KCNIP4: variants seen among roughly 807,000 people sequenced by gnomAD.
The protein encoded by KCNIP4 is potassium voltage-gated channel interacting protein 4, also known as Kv channel-interacting protein 4.
KCNIP4 carries 12 observed loss-of-function variants against 34.0 expected under a neutral mutation model. That is an observed-to-expected ratio of 0.35 (90% CI 0.23 to 0.57). The LOEUF (loss-of-function observed/expected upper bound fraction) is 0.57. Among genes scored for constraint, KCNIP4 ranks in the 20% least tolerant of loss-of-function variants. The probability of loss-of-function intolerance (pLI) is 0.83; values close to 1 mark genes in which losing one functional copy is unlikely to be tolerated. For synonymous variants in KCNIP4, 124 were observed against 102.2 expected, an observed-to-expected ratio of 1.21 and a Z score of -1.29; for missense variants, 238 against 311.7, an observed-to-expected ratio of 0.76 and a Z score of 1.78.
At chr4:20,837,759 G>T (rs1213627540) in intron 3 of KCNIP4, among the ~76,000 whole-genome samples, 2 of 149,256 alleles carry the variant, frequency 1.3e-5, no homozygotes, top group South Asian at 2.1e-4. Context: ...CTTGCTCACT[G>T]CAACCTCTGC....
chr4:21,871,345 A>G (rs1341509351), intron 1 of KCNIP4, among the ~76,000 whole-genome samples: 1 of 148,986 alleles, frequency 6.7e-6, no homozygotes, highest in Admixed American at 6.8e-5. Flanking sequence ...ATGCACACGT[A>G]TGTTTACTGT....
At chr4:21,636,154 G>A (rs13121972) in intron 1 of KCNIP4, among the ~76,000 whole-genome samples, 1 of 117,600 alleles carries the variant, frequency 8.5e-6, no homozygotes, top group Non-Finnish European at 1.7e-5. Flanking sequence ...TGGGGGGAGG[G>A]GGGAGGGATA....
At chr4:21,199,024 T>C (rs1321674535) in intron 1 of KCNIP4, among the ~76,000 whole-genome samples, 1 of 152,180 alleles carries the variant, frequency 6.6e-6, no homozygotes, top group Non-Finnish European at 1.5e-5. Context: ...GTACTGACAC[T>C]GATCTGGTGC....
intron 1 of KCNIP4, among the ~76,000 whole-genome samples, chr4:20,986,365 T>C (rs778052282): frequency 1.3e-5 from 2 of 152,152 alleles, no homozygotes; most frequent in Non-Finnish European, 2.9e-5. Context: ...AACATTTTCT[T>C]CTCCATTATA....
intron 1 of KCNIP4, among the ~76,000 whole-genome samples, chr4:21,380,949 C>T (rs760649733): frequency 3.3e-5 from 5 of 152,234 alleles, no homozygotes; most frequent in Non-Finnish European, 7.4e-5. Context: ...CTCAGCACAG[C>T]ACCATTAGCT....
chr4:21,395,436 C>T (rs1024939394), intron 1 of KCNIP4, among the ~76,000 whole-genome samples: 3 of 152,120 alleles, frequency 2.0e-5, no homozygotes, highest in African/African-American at 7.2e-5. Context: ...TTCTCCCCCA[C>T]CCCTTTCCTT....
intron 1 of KCNIP4, among the ~76,000 whole-genome samples, chr4:21,385,033 G>T (rs897405853): frequency 6.6e-6 from 1 of 152,124 alleles, no homozygotes; most frequent in Admixed American, 6.6e-5. Context: ...ATGGAACAGG[G>T]TTTCCTGGGG....
chr4:21,604,031 T>G (rs940169022), intron 1 of KCNIP4, among the ~76,000 whole-genome samples: 9 of 152,170 alleles, frequency 5.9e-5, no homozygotes, highest in African/African-American at 1.9e-4. Flanking sequence ...AAGATTTTTT[T>G]CATTCGTCGA....
At chr4:21,209,715 A>G (rs554544395) in intron 1 of KCNIP4, among the ~76,000 whole-genome samples, 7 of 151,844 alleles carry the variant, frequency 4.6e-5, no homozygotes, top group African/African-American at 1.7e-4. Context: ...TGTATATTGT[A>G]TTTTCTTTTT....
At chr4:20,964,394 A>G (rs2149665533) in intron 1 of KCNIP4, among the ~76,000 whole-genome samples, 1 of 152,332 alleles carries the variant, frequency 6.6e-6, no homozygotes, top group African/African-American at 2.4e-5. Context: ...TCAAATATTT[A>G]ATCATTCTGG....
intron 1 of KCNIP4, among the ~76,000 whole-genome samples, chr4:20,992,785 TG>T (rs953364973): frequency 1.3e-5 from 2 of 151,912 alleles, no homozygotes; most frequent in Non-Finnish European, 2.9e-5. Context: ...CCCAGCAATT[TG>T]GGGGGCCAAG....
At chr4:21,246,842 A>T (rs1760241130) in intron 1 of KCNIP4, among the ~76,000 whole-genome samples, 1 of 152,210 alleles carries the variant, frequency 6.6e-6, no homozygotes, top group Admixed American at 6.5e-5. Flanking sequence ...TTTCACAAGC[A>T]CTAATAGTTA....
At position 21,691,980 on chromosome 4, in the gene KCNIP4, G is replaced by T. The variant is rs535215249; in HGVS notation, c.61+256591C>A. Among the ~76,000 whole-genome samples, 487 of 152,206 alleles carry T rather than the reference G, an allele frequency of 3.2e-3. 6 individuals carry two copies. Among genetic ancestry groups the T allele is most frequent in the African/African-American group, 0.011 (455 of 41,536 alleles). ...CCCAAAGTGCCGGGATTACAGGCGT[G>T]ATCCACCGCACCAGGCCAAATGCAA... On this transcript the variant is annotated intron_variant, in intron 1 of 8. Coordinates refer to ENST00000382152, the MANE Select transcript of KCNIP4 (RefSeq NM_025221.6).
intron 3 of KCNIP4, among the ~76,000 whole-genome samples, chr4:20,784,241 C>T (rs1711621283): frequency 6.6e-6 from 1 of 152,136 alleles, no homozygotes; most frequent in Non-Finnish European, 1.5e-5. Flanking sequence ...TGAAAAGGCA[C>T]ATCACGTTCA....
chr4:20,821,952 T>C (rs960601690), intron 3 of KCNIP4, among the ~76,000 whole-genome samples: 9 of 152,080 alleles, frequency 5.9e-5, no homozygotes, highest in African/African-American at 2.2e-4. Context: ...GTTCCACATC[T>C]TTGCAACTGC....
At chr4:21,645,920 A>T (rs1365706015) in intron 1 of KCNIP4, among the ~76,000 whole-genome samples, 1 of 152,164 alleles carries the variant, frequency 6.6e-6, no homozygotes, top group East Asian at 1.9e-4. Flanking sequence ...ACATTAAAAC[A>T]CTTCTGTGGC....
rs950395254 is a variant in KCNIP4 at position 21,427,003 on chromosome 4, A to T, written c.61+521568T>A. The stretch of plus-strand genomic sequence containing the variant: ...ATGACTTTTCTGTTCTCACAAATGC[A>T]CCCCAACTCAGTCTCAGGGCAAGAC... On this transcript the variant is annotated intron_variant, in intron 1 of 8. Transcript: ENST00000382152. Among the ~76,000 whole-genome samples, 4 of 151,548 alleles carry T rather than the reference A, an allele frequency of 2.6e-5. No homozygotes were observed. In the East Asian group the frequency reaches 5.8e-4, roughly 22 times the overall value.
intron 1 of KCNIP4, among the ~76,000 whole-genome samples, chr4:21,529,984 T>C (rs1051132569): frequency 2.0e-5 from 3 of 152,170 alleles, no homozygotes; most frequent in Non-Finnish European, 4.4e-5. Context: ...CACTATGTGG[T>C]AAATAATAGC....
chr4:20,870,172 G>A (rs1343471012), intron 2 of KCNIP4, among the ~76,000 whole-genome samples: 2 of 152,076 alleles, frequency 1.3e-5, no homozygotes, highest in Admixed American at 1.3e-4. Flanking sequence ...CAAATCTCAT[G>A]TTGAATTGTA....
Sources: gnomAD v4.1 joint callset for allele counts (sites outside exome capture counted in the v4.1 genomes callset) on GRCh38, gnomAD v4.1.1 for gene constraint, MANE v1.5 for transcripts, NCBI Gene and HGNC (gene_info 2026-07-23, HGNC 2026-07-21) for gene names.